PRDM4: variants seen among roughly 807,000 people sequenced by gnomAD.
PRDM4 encodes the protein PR domain zinc finger protein 4.
Under a neutral mutation model 62.3 loss-of-function variants are expected in PRDM4, and 38 were observed. That is an observed-to-expected ratio of 0.61 (90% confidence interval 0.47 to 0.80). The LOEUF (loss-of-function observed/expected upper bound fraction) is 0.80. PRDM4 is among the 30% of genes least tolerant of loss of function. The probability of loss-of-function intolerance (pLI) is 0.00; values close to 1 mark genes in which losing one functional copy is unlikely to be tolerated. For synonymous variants in PRDM4, 339 were observed against 348.2 expected (o/e 0.97, Z 0.30); for missense variants, 858 against 997.1 (o/e 0.86, Z 1.88).
intron 5 of PRDM4, among the ~76,000 whole-genome samples, chr12:107,746,835 C>T (rs79528879): frequency 0.018 from 2,796 of 152,224 alleles, 38 homozygotes; most frequent in Non-Finnish European, 0.03. Context: ...GTAAGAAGCA[C>T]GGTTCTAATA....
chr12:107,734,178 T>C lies in PRDM4; in HGVS notation c.*32A>G. ...GGTTATGTGTATTTTTCCATTTGCA[T>C]TTTCATCCAAAATTGCTTGTTTCTT... On this transcript the variant is annotated 3_prime_UTR_variant, in exon 12 of 12. Coordinates refer to ENST00000228437, the MANE Select transcript of PRDM4 (RefSeq NM_012406.4). 6.4e-7 allele frequency: 1 copy of C among 1,554,512 alleles called. No homozygotes were observed. Among genetic ancestry groups the C allele is most frequent in the Non-Finnish European group, 8.7e-7 (1 of 1,153,120 alleles).
chr12:107,755,027 G>C (rs1891018453), intron 3 of PRDM4, among the ~76,000 whole-genome samples: 1 of 152,122 alleles, frequency 6.6e-6, no homozygotes, highest in Non-Finnish European at 1.5e-5. Context: ...ACTGGGCTAA[G>C]TATCATAATA....
chr12:107,748,133 T>C (rs937253590), intron 5 of PRDM4, among the ~76,000 whole-genome samples: 9 of 152,048 alleles, frequency 5.9e-5, no homozygotes, highest in African/African-American at 1.7e-4. Flanking sequence ...GAGGCTGAGA[T>C]TGCGCTACTG....
chr12:107,743,830 ATAGGCCAGG>A (rs916968210), intron 7 of PRDM4, among the ~76,000 whole-genome samples: 1 of 152,202 alleles, frequency 6.6e-6, no homozygotes, highest in African/African-American at 2.4e-5. Context: ...AACTAGAAAA[ATAGGCCAGG>A]TGCGGTGGCT....
At chr12:107,748,721 C>T (rs548546645) in intron 5 of PRDM4, among the ~76,000 whole-genome samples, 103 of 152,242 alleles carry the variant, frequency 6.8e-4, no homozygotes, top group Non-Finnish European at 1.2e-3. Flanking sequence ...GTTTCTTTAC[C>T]GGGTGACTAA....
chr12:107,742,627 A>C (rs1890554122), intron 8 of PRDM4: 1 of 396,018 alleles, frequency 2.5e-6, no homozygotes, highest in South Asian at 2.8e-5. Flanking sequence ...TTTAAAAAAC[A>C]GTATGACAAA....
In PRDM4 at chr12:107,742,219, A is replaced by C. The variant is rs1025044728; in HGVS notation, c.1609+2T>G. 1 of 1,611,982 alleles carries C rather than the reference A, an allele frequency of 6.2e-7. No individual in the cohort carries two copies. Among genetic ancestry groups the C allele is most frequent in the African/African-American group, 1.3e-5 (1 of 74,818 alleles). ...ATTCATTATAAACACATATTAACTT[A>C]CCAATCTGTTGAGCATAATCTCGGC... On this transcript the variant is annotated splice_donor_variant, in intron 9 of 11. Transcript: ENST00000228437. LOFTEE classifies it high-confidence loss of function.
chr12:107,736,398 T>C (rs1890330263), intron 11 of PRDM4, among the ~76,000 whole-genome samples: 1 of 152,124 alleles, frequency 6.6e-6, no homozygotes, highest in Non-Finnish European at 1.5e-5. Context: ...GAAGAAGACA[T>C]GCAGGCATCT....
chr12:107,760,363 A>G (rs770868707), intron 2 of PRDM4, 142 bp downstream of exon 2: 5 of 1,052,794 alleles, frequency 4.7e-6, no homozygotes, highest in South Asian at 3.4e-5. Context: ...TCCACCCAAC[A>G]CTAGTTTCTG....
chr12:107,749,625 G>A (rs752261829), intron 5 of PRDM4, among the ~76,000 whole-genome samples: 1 of 151,890 alleles, frequency 6.6e-6, no homozygotes, highest in African/African-American at 2.4e-5. Flanking sequence ...TTATCCAATC[G>A]ATAAGCTCAA....
chr12:107,734,267 G>A lies in PRDM4; in HGVS notation c.2349C>T (p.Asp783=), dbSNP rs1479021698. The A allele has an allele frequency of 1.2e-6, 2 of 1,614,158 alleles. No individual in the cohort carries two copies. Among genetic ancestry groups the A allele is most frequent in the East Asian group, 4.5e-5 (2 of 44,888 alleles). ...EDLADSVGTE[D]CRINSAVYSA... ...AATACACAGCACTGTTAATCCTACA[G>A]TCTTCTGTCCCCACAGAGTCTGCTA... The change falls in exon 12 of 12, where the codon GAC becomes GAT. Residue 783 remains aspartate, a synonymous_variant. Coordinates refer to ENST00000228437, the MANE Select transcript of PRDM4 (RefSeq NM_012406.4).
At chr12:107,746,744 CAG>C (rs1223961545) in intron 5 of PRDM4, among the ~76,000 whole-genome samples, 1 of 152,152 alleles carries the variant, frequency 6.6e-6, no homozygotes, top group Admixed American at 6.5e-5. Flanking sequence ...CTCAGCCTCC[CAG>C]AGTGCTGGTA....
chr12:107,750,259 T>TA (rs35771176), intron 5 of PRDM4, among the ~76,000 whole-genome samples: 1 of 152,118 alleles, frequency 6.6e-6, no homozygotes, highest in Non-Finnish European at 1.5e-5. Context: ...TAGTAAGCAC[T>TA]AAAAAGCCCA....
In PRDM4 at chr12:107,733,786, C is replaced by CT. The variant is rs1890241470; in HGVS notation, c.*423dup. 2 of 183,520 alleles carry CT rather than the reference C, an allele frequency of 1.1e-5. No homozygotes were observed. Among genetic ancestry groups the CT allele is most frequent in the East Asian group, 3.2e-4 (2 of 6,282 alleles). The allele number at this position is 183,520 out of a possible 1,614,324, so 11.4% of individuals were successfully genotyped here. ...AAGTCACAAGAGTCTGCATAAAACACTATCAGCAATCAGGATGGCTATGGG... is the reference window on the plus strand; with the variant it reads ...AAGTCACAAGAGTCTGCATAAAACACTTATCAGCAATCAGGATGGCTATGGG... On this transcript the variant is annotated 3_prime_UTR_variant, in exon 12 of 12. Coordinates refer to ENST00000228437, the MANE Select transcript of PRDM4 (RefSeq NM_012406.4).
intron 3 of PRDM4, among the ~76,000 whole-genome samples, chr12:107,756,274 AG>A (rs1891064384): frequency 1.3e-5 from 2 of 152,234 alleles, no homozygotes; most frequent in South Asian, 4.1e-4. Context: ...AAAAAAGGAT[AG>A]GAAGAATGAA....
chr12:107,739,131 T>C (rs914901636), intron 11 of PRDM4: 7 of 391,110 alleles, frequency 1.8e-5, no homozygotes, highest in African/African-American at 1.4e-4. Context: ...CTCTAGGTTT[T>C]TGTAGATGTG....
rs746321713 is a variant in PRDM4 at position 107,752,061 on chromosome 12, T to C, written c.480A>G (p.Pro160=). 1.9e-6 allele frequency: 3 copies of C among 1,614,094 alleles called. No individual in the cohort carries two copies. In the Admixed American group the frequency reaches 5.0e-5, roughly 27 times the overall value. Residue 160 remains proline, a synonymous_variant, in exon 5 of 12, where the codon CCA becomes CCG. Coordinates refer to ENST00000228437, the MANE Select transcript of PRDM4 (RefSeq NM_012406.4). ...YQSNGNVGLE[P]GIVSIDSRSV... is the part of the protein sequence containing the mutation. ...AGCGAGAGTCTATTGAAACAATGCC[T>C]GGTTCTAATCCAACATTTCCATTGG...
intron 6 of PRDM4, among the ~76,000 whole-genome samples, chr12:107,745,853 C>T (rs1013609272): frequency 1.2e-4 from 18 of 152,198 alleles, no homozygotes; most frequent in African/African-American, 4.3e-4. Context: ...AATCTACATT[C>T]TTTATTCCTT....
chr12:107,750,335 G>A (rs1041529425), intron 5 of PRDM4, among the ~76,000 whole-genome samples: 2 of 152,036 alleles, frequency 1.3e-5, no homozygotes, highest in Non-Finnish European at 2.9e-5. Flanking sequence ...TGCTTGAGTC[G>A]AGTTCAAGAC....
Sources: gnomAD v4.1 joint callset for allele counts (sites outside exome capture counted in the v4.1 genomes callset) on GRCh38, gnomAD v4.1.1 for gene constraint, MANE v1.5 for transcripts, NCBI Gene and HGNC (gene_info 2026-07-23, HGNC 2026-07-21) for gene names.